RASAL2: variants seen among roughly 807,000 people sequenced by gnomAD.
RASAL2 encodes the protein ras GTPase-activating protein nGAP.
A neutral mutation model predicts 128.9 loss-of-function variants in RASAL2; 58 were observed. The observed-to-expected ratio is 0.45, with a 90% CI of 0.36 to 0.56. RASAL2 has a LOEUF of 0.56. RASAL2 is among the 20% of genes least tolerant of loss of function. RASAL2 has a pLI of 0.00. For missense variants in RASAL2, 1,360 were observed against 1,601.6 expected (o/e 0.85, Z 2.57); for synonymous variants, 561 against 580.8 (o/e 0.97, Z 0.49).
intron 1 of RASAL2, among the ~76,000 whole-genome samples, chr1:178,233,236 C>A (rs1326905362): frequency 6.6e-6 from 1 of 152,224 alleles, no homozygotes; most frequent in Non-Finnish European, 1.5e-5. Context: ...GCAAAGACTG[C>A]AGAGTAGAGG....
intron 1 of RASAL2, among the ~76,000 whole-genome samples, chr1:178,158,251 G>A (rs1661149562): frequency 6.6e-6 from 1 of 152,220 alleles, no homozygotes; most frequent in South Asian, 2.1e-4. Context: ...TATAGCAAAG[G>A]AATAGGCTTT....
intron 3 of RASAL2, chr1:178,372,059 T>C (rs1459993177): frequency 6.5e-6 from 4 of 619,554 alleles, no homozygotes; most frequent in Admixed American, 6.3e-5. Context: ...CCTGGTTGTA[T>C]TAGATTGATG....
intron 3 of RASAL2, among the ~76,000 whole-genome samples, chr1:178,371,376 A>ACACACACACACACACACACACT (rs1671709628): frequency 6.6e-6 from 1 of 150,920 alleles, no homozygotes; most frequent in African/African-American, 2.4e-5. Context: ...ACACACACAC[A>ACACACACACACACACACACACT]CTTCCTTTCT....
intron 1 of RASAL2, among the ~76,000 whole-genome samples, chr1:178,164,849 G>C (rs1178872471): frequency 6.6e-6 from 1 of 150,904 alleles, no homozygotes; most frequent in Non-Finnish European, 1.5e-5. Flanking sequence ...GTGTGTGTGT[G>C]TGTGTGTGTG....
At chr1:178,294,037 G>A (rs1667389686) in intron 2 of RASAL2, among the ~76,000 whole-genome samples, 1 of 152,208 alleles carries the variant, frequency 6.6e-6, no homozygotes, top group East Asian at 1.9e-4. Flanking sequence ...AATAGGGAAT[G>A]TATTAAAGAA....
chr1:178,300,224 T>C, intron 3 of RASAL2, 106 bp downstream of exon 3: 1 of 1,289,436 alleles, frequency 7.8e-7, no homozygotes. Context: ...AAGTAAGTGC[T>C]TTGAAATCAA....
chr1:178,307,960 T>C (rs185688655), intron 3 of RASAL2, among the ~76,000 whole-genome samples: 1 of 152,326 alleles, frequency 6.6e-6, no homozygotes, highest in African/African-American at 2.4e-5. Context: ...TTCTCAGTCC[T>C]CAAACAGAAA....
chr1:178,149,592 C>G (rs1292838331), intron 1 of RASAL2, among the ~76,000 whole-genome samples: 1 of 151,756 alleles, frequency 6.6e-6, no homozygotes, highest in African/African-American at 2.4e-5. Flanking sequence ...TTTTGCCAAA[C>G]TTTGAGTATC....
At chr1:178,146,125 T>C (rs1660722867) in intron 1 of RASAL2, among the ~76,000 whole-genome samples, 1 of 152,240 alleles carries the variant, frequency 6.6e-6, no homozygotes, top group Non-Finnish European at 1.5e-5. Flanking sequence ...ATTTTCAGTA[T>C]ATTTTCCATT....
chr1:178,466,035 A>G lies in RASAL2; in HGVS notation c.3503A>G (p.Glu1168Gly). The G allele has an allele frequency of 6.3e-7, 1 of 1,579,254 alleles. No homozygotes were observed. Among genetic ancestry groups the G allele is most frequent in the South Asian group, 1.2e-5 (1 of 86,202 alleles). ...CAGCAGATGCAGAAGCTGCTGCTGG[A>G]ATACAAGGCCCGACTGGAGGACAGC... ...QEQQMQKLLLEYKARLEDSEE... is the reference protein window; with the variant it reads ...QEQQMQKLLLGYKARLEDSEE... Residue 1168 changes from glutamate to glycine, a missense_variant, in exon 16 of 18, where the codon GAA becomes GGA. Glu to Gly is a moderately conservative substitution (Grantham distance 98). Coordinates refer to ENST00000367649, the MANE Select transcript of RASAL2 (RefSeq NM_170692.4).
rs1233026265 is a variant in RASAL2, at chr1:178,319,781, T to TC, written c.457+19664dup. On this transcript the variant is annotated intron_variant, in intron 3 of 17. Transcript: ENST00000367649. Reference sequence around the variant, plus strand: ...AGAGTAATTTGATCGTCTGAAGCCTTCTTCTCTCAGCTCGTCAAAGTCATT... The same window carrying TC: ...AGAGTAATTTGATCGTCTGAAGCCTTCCTTCTCTCAGCTCGTCAAAGTCATT... 2.0e-5 allele frequency among the ~76,000 whole-genome samples: 3 copies of TC among 152,318 alleles called. No homozygotes were observed. In the East Asian group the frequency reaches 5.8e-4, roughly 29 times the overall value.
intron 1 of RASAL2, chr1:178,194,482 G>A (rs1662594104): frequency 5.4e-6 from 1 of 183,934 alleles, no homozygotes; most frequent in Non-Finnish European, 1.2e-5. Context: ...GAGAAGCTTG[G>A]TCAATTTCCG....
At position 178,451,649 on chromosome 1, in the gene RASAL2, T is replaced by C. The variant is rs754667721; in HGVS notation, c.1706T>C (p.Ile569Thr). The change falls in exon 10 of 18, where the codon ATA (isoleucine) becomes ACA (threonine). Residue 569 changes from isoleucine (I) to threonine (T), a missense_variant. Around this residue, in one of 3 missense-constraint regions of RASAL2, gnomAD observed 617 missense variants for 714.2 expected, o/e 0.86. Transcript: ENST00000367649. Reference sequence around the variant, plus strand: ...AGCAAATGTTCATCTAGTGAACTGATAGACCATCAGAGCAACCTGAAAATG... The same window carrying C: ...AGCAAATGTTCATCTAGTGAACTGACAGACCATCAGAGCAACCTGAAAATG... Reference protein sequence around the residue: ...DPSKCSSSELIDHQSNLKMCC... With the variant: ...DPSKCSSSELTDHQSNLKMCC... The C allele has an allele frequency of 1.1e-5, 18 of 1,613,818 alleles. No homozygotes were observed. The East Asian group carries it at 2.0e-4, about 18-fold the overall frequency.
chr1:178,250,517 G>A (rs868650474), intron 1 of RASAL2, among the ~76,000 whole-genome samples: 1 of 152,238 alleles, frequency 6.6e-6, no homozygotes. Context: ...AGCTGTTTGG[G>A]AGTGGGACTC....
chr1:178,152,448 C>T (rs924954695), intron 1 of RASAL2, among the ~76,000 whole-genome samples: 27 of 151,968 alleles, frequency 1.8e-4, no homozygotes, highest in Admixed American at 5.2e-4. Context: ...TTGTGGAGAC[C>T]CCTGATTTAT....
intron 1 of RASAL2, among the ~76,000 whole-genome samples, chr1:178,128,457 T>C (rs1659979915): frequency 6.6e-6 from 1 of 152,148 alleles, no homozygotes; most frequent in South Asian, 2.1e-4. Flanking sequence ...GGTGATGTTA[T>C]AATAGAGAGA....
chr1:178,442,633 G>T (rs1482961653), intron 7 of RASAL2, 42 bp from the exon 8 acceptor site: 11 of 1,504,404 alleles, frequency 7.3e-6, no homozygotes, highest in African/African-American at 2.8e-5. Flanking sequence ...TTTTTTTTCT[G>T]CAATGTCAGC....
intron 3 of RASAL2, among the ~76,000 whole-genome samples, chr1:178,366,965 AG>A (rs1308124950): frequency 6.6e-6 from 1 of 152,222 alleles, no homozygotes; most frequent in Non-Finnish European, 1.5e-5. Context: ...TTTCTTTTAC[AG>A]GCCATGAAAA....
At chr1:178,390,268 T>A in intron 4 of RASAL2, 62 bp downstream of exon 4, 1 of 1,228,626 alleles carries the variant, frequency 8.1e-7, no homozygotes, top group Non-Finnish European at 1.2e-6. Flanking sequence ...CTTCTTAGAG[T>A]TAGGGGCAGC....
Sources: allele counts gnomAD v4.1 joint callset (sites outside exome capture counted in the v4.1 genomes callset), GRCh38; gene constraint gnomAD v4.1.1; regional missense constraint gnomAD v4.1.1; transcripts MANE v1.5; gene names NCBI Gene and HGNC (gene_info 2026-07-23, HGNC 2026-07-21).